TBC1D1: variants seen among roughly 807,000 people sequenced by gnomAD.
The protein encoded by TBC1D1 is TBC1 (tre-2/USP6, BUB2, cdc16) domain family, member 1.
Under a neutral mutation model 125.6 loss-of-function variants are expected in TBC1D1, and 89 were observed. The observed-to-expected ratio is 0.71, with a 90% CI of 0.60 to 0.85. The LOEUF (loss-of-function observed/expected upper bound fraction) is 0.85, where lower values mean the gene tolerates loss of function less well. TBC1D1 is among the 40% of genes least tolerant of loss of function. The pLI is 0.00. For synonymous variants in TBC1D1, 565 were observed against 564.1 expected (o/e 1.00, Z -0.02); for missense variants, 1,377 against 1,469.2 (o/e 0.94, Z 1.03).
intron 2 of TBC1D1, among the ~76,000 whole-genome samples, chr4:37,917,899 A>G (rs1201715176): frequency 6.6e-6 from 1 of 152,182 alleles, no homozygotes; most frequent in Non-Finnish European, 1.5e-5. Context: ...GTCAGTTTAT[A>G]TACACTAATA....
intron 2 of TBC1D1, among the ~76,000 whole-genome samples, chr4:37,912,641 G>A (rs1294837187): frequency 6.6e-6 from 1 of 152,136 alleles, no homozygotes; most frequent in Admixed American, 6.6e-5. Context: ...AGATGATTAG[G>A]TCATGTGGGC....
chr4:38,131,188 T>C (rs980526719), intron 18 of TBC1D1, among the ~76,000 whole-genome samples: 1 of 152,116 alleles, frequency 6.6e-6, no homozygotes, highest in African/African-American at 2.4e-5. Flanking sequence ...TGGCTTTGGG[T>C]ACTGCTGAGA....
intron 4 of TBC1D1, among the ~76,000 whole-genome samples, chr4:38,019,228 C>G (rs1743479719): frequency 6.6e-6 from 1 of 151,828 alleles, no homozygotes; most frequent in Non-Finnish European, 1.5e-5. Flanking sequence ...ATGAAAATGT[C>G]AGTGTTGATT....
intron 15 of TBC1D1, among the ~76,000 whole-genome samples, chr4:38,115,482 C>CA (rs1762839754): frequency 6.6e-6 from 1 of 152,022 alleles, no homozygotes; most frequent in South Asian, 2.1e-4. Context: ...GTACTTCCAC[C>CA]AAAAAATAAA....
At chr4:38,052,159 C>CA in intron 11 of TBC1D1, 99 bp downstream of exon 12, 1 of 1,150,982 alleles carries the variant, frequency 8.7e-7, no homozygotes, top group Non-Finnish European at 1.2e-6. Flanking sequence ...ATGCAGGAAG[C>CA]AGAGCCACTG....
chr4:38,034,673 A>G (rs1488695003), intron 7 of TBC1D1, among the ~76,000 whole-genome samples: 1 of 152,220 alleles, frequency 6.6e-6, no homozygotes, highest in Non-Finnish European at 1.5e-5. Flanking sequence ...TGTTTTAAAG[A>G]ACAGTCTGGA....
rs1251518755 is a variant in TBC1D1, at chr4:38,014,027, A to T, written c.418-482A>T. Among the ~76,000 whole-genome samples, 1 of 152,236 alleles carries T rather than the reference A, an allele frequency of 6.6e-6. No homozygotes were observed. The highest frequency in any genetic ancestry group is 1.5e-5 in the Non-Finnish European group (1 of 68,038). On this transcript the variant is annotated intron_variant, in intron 2 of 19. Coordinates refer to ENST00000261439, the MANE Select transcript of TBC1D1 (RefSeq NM_015173.4). The surrounding 1 kb of genome is among the most constrained non-coding windows in gnomAD (Gnocchi z 5.1). Reference sequence around the variant, plus strand: ...TCTTCTTCATCCCACCATTTATTAAAGAAGACTTTCCAAAGTATACTGCCA... The same window carrying T: ...TCTTCTTCATCCCACCATTTATTAATGAAGACTTTCCAAAGTATACTGCCA...
intron 12 of TBC1D1, among the ~76,000 whole-genome samples, chr4:38,087,886 A>G (rs1462401966): frequency 6.9e-6 from 1 of 144,214 alleles, no homozygotes; most frequent in East Asian, 2.0e-4. Context: ...AAGAATATCC[A>G]GGTCAACCCC....
At chr4:38,024,984 CAG>C (rs1304914093) in intron 6 of TBC1D1, among the ~76,000 whole-genome samples, 1 of 152,162 alleles carries the variant, frequency 6.6e-6, no homozygotes, top group African/African-American at 2.4e-5. Context: ...TGCAACATAT[CAG>C]AAGTGCAGCT....
intron 12 of TBC1D1, chr4:38,060,582 A>T (rs771800089): frequency 3.8e-5 from 49 of 1,276,948 alleles, no homozygotes; most frequent in Non-Finnish European, 4.9e-5. Context: ...AAGGGTAAGG[A>T]TGCTTACGTC....
At chr4:37,967,021 T>C (rs1731204786) in intron 2 of TBC1D1, among the ~76,000 whole-genome samples, 1 of 152,194 alleles carries the variant, frequency 6.6e-6, no homozygotes, top group South Asian at 2.1e-4. Context: ...AAATTCAAAT[T>C]GTTTTGTGCA....
chr4:38,089,980 T>C lies in TBC1D1; in HGVS notation c.2099T>C (p.Val700Ala), dbSNP rs1209117233. Residue 700 changes from valine (V) to alanine (A), a missense_variant, in exon 13 of 20, where the codon GTT (valine) becomes GCT (alanine). Coordinates refer to ENST00000261439, the MANE Select transcript of TBC1D1 (RefSeq NM_015173.4). Reference sequence around the variant, plus strand: ...CCCCCACGATCTCCTTTAGAACCAGTTTGTGAAGATGGGCCCTTTGGCCCC... The same window carrying C: ...CCCCCACGATCTCCTTTAGAACCAGCTTGTGAAGATGGGCCCTTTGGCCCC... 1.9e-6 allele frequency: 3 copies of C among 1,613,764 alleles called. No homozygotes were observed. In the African/African-American group the frequency reaches 4.0e-5, roughly 22 times the overall value.
At chr4:37,916,012 C>T (rs1719657277) in intron 2 of TBC1D1, among the ~76,000 whole-genome samples, 1 of 152,176 alleles carries the variant, frequency 6.6e-6, no homozygotes. Flanking sequence ...AAAACCCTTG[C>T]GTGTAGATTA....
intron 5 of TBC1D1, among the ~76,000 whole-genome samples, chr4:38,021,186 A>C (rs1005911725): frequency 2.0e-5 from 3 of 152,228 alleles, no homozygotes; most frequent in African/African-American, 7.2e-5. Flanking sequence ...CAGCGTGTGC[A>C]GGGGAACTGC....
chr4:38,132,909 A>C (rs747190757), intron 18 of TBC1D1, 175 bp from the exon 21 acceptor site: 5 of 420,110 alleles, frequency 1.2e-5, no homozygotes, highest in Admixed American at 4.4e-5. Context: ...TCCCAAGTAA[A>C]ATTATTACCT....
chr4:37,983,173 A>G (rs1734722439), intron 2 of TBC1D1, among the ~76,000 whole-genome samples: 1 of 130,048 alleles, frequency 7.7e-6, no homozygotes, highest in Non-Finnish European at 1.5e-5. Flanking sequence ...ACCAGGCTGG[A>G]GTGCAGTGGT....
At chr4:38,054,374 G>GT (rs1353496718) in intron 12 of TBC1D1, 36 bp downstream of exon 14, 44 of 1,611,788 alleles carry the variant, frequency 2.7e-5, no homozygotes, top group Non-Finnish European at 3.6e-5. Flanking sequence ...CTCAAAGAGA[G>GT]CACGCTGACA....
intron 12 of TBC1D1, among the ~76,000 whole-genome samples, chr4:38,058,095 C>T (rs1186002890): frequency 1.3e-5 from 2 of 152,228 alleles, no homozygotes; most frequent in Non-Finnish European, 2.9e-5. Context: ...TTTTAATGTA[C>T]GTACTTGCCT....
chr4:38,052,717 C>CGCGCGT lies in TBC1D1; in HGVS notation c.1911-1477_1911-1476insTGCGCG, dbSNP rs1396925110. Among the ~76,000 whole-genome samples the CGCGCGT allele has an allele frequency of 3.9e-3, 247 of 63,374 alleles. 3 individuals are homozygous for CGCGCGT. Among genetic ancestry groups the CGCGCGT allele is most frequent in the African/African-American group, 0.018 (231 of 13,062 alleles). 41.6% of individuals were successfully genotyped at this position (63,374 alleles called of 152,430 possible). On this transcript the variant is annotated intron_variant, in intron 11 of 19. Coordinates refer to ENST00000261439, the MANE Select transcript of TBC1D1 (RefSeq NM_015173.4). ...GCATGCGTATATACACACACACGCG[C>CGCGCGT]GCGCGCGCGCGCACACACACACACA...
Sources: allele counts gnomAD v4.1 joint callset (sites outside exome capture counted in the v4.1 genomes callset), GRCh38; gene constraint gnomAD v4.1.1; non-coding constraint Gnocchi (gnomAD v3.1); transcripts MANE v1.5; gene names NCBI Gene and HGNC (gene_info 2026-07-23, HGNC 2026-07-21).